Variants in SNTG1 observed in about 807,000 individuals in gnomAD.
SNTG1 encodes gamma-1-syntrophin.
SNTG1 carries 39 observed loss-of-function variants against 74.7 expected under a neutral mutation model. The ratio of observed to expected loss-of-function variants is 0.52; its 90% CI spans 0.40 to 0.68. SNTG1 has a LOEUF of 0.68. SNTG1 is among the 30% of genes least tolerant of loss of function. The pLI is 0.00. For missense variants in SNTG1, 685 were observed against 609.5 expected (o/e 1.12, Z -1.30); for synonymous variants, 254 against 217.1 (o/e 1.17, Z -1.49).
chr8:50,661,192 A>G (rs896031919), intron 15 of SNTG1, among the ~76,000 whole-genome samples: 20 of 152,206 alleles, frequency 1.3e-4, no homozygotes, highest in African/African-American at 4.8e-4. Context: ...ATTAGGTGAT[A>G]TGATGTTAAG....
At chr8:50,619,871 G>A (rs539445373) in intron 13 of SNTG1, among the ~76,000 whole-genome samples, 1 of 149,302 alleles carries the variant, frequency 6.7e-6, no homozygotes, top group East Asian at 2.0e-4. Flanking sequence ...GAAATATATT[G>A]GCTTCTACTC....
At chr8:50,788,765 AAC>A (rs748605408) in intron 18 of SNTG1, among the ~76,000 whole-genome samples, 2 of 151,956 alleles carry the variant, frequency 1.3e-5, no homozygotes, top group Non-Finnish European at 2.9e-5. Context: ...TCCCACTTAA[AAC>A]ACAGAATGAA....
At chr8:50,469,941 G>A (rs1239484421) in intron 8 of SNTG1, among the ~76,000 whole-genome samples, 1 of 152,188 alleles carries the variant, frequency 6.6e-6, no homozygotes, top group Non-Finnish European at 1.5e-5. Context: ...TGGTGCCACT[G>A]CACTCCAGCC....
chr8:49,936,754 C>A (rs1808114875), intron 1 of SNTG1, among the ~76,000 whole-genome samples: 1 of 152,090 alleles, frequency 6.6e-6, no homozygotes, highest in African/African-American at 2.4e-5. Flanking sequence ...AAGTGAAGAG[C>A]AAACATGGTA....
At chr8:50,037,582 T>A (rs1818271133) in intron 1 of SNTG1, among the ~76,000 whole-genome samples, 1 of 152,224 alleles carries the variant, frequency 6.6e-6, no homozygotes, top group Admixed American at 6.5e-5. Context: ...TTATCCTGCT[T>A]CTCCTAATAT....
At position 50,796,423 on chromosome 8, in the gene SNTG1, T is replaced by C. The variant is rs1485205816; in HGVS notation, c.*3594T>C. 3 of 151,960 alleles carry C rather than the reference T, an allele frequency of 2.0e-5. No individual in the cohort carries two copies. Among genetic ancestry groups the C allele is most frequent in the Non-Finnish European group, 2.9e-5 (2 of 67,920 alleles). The allele number at this position is 151,960 out of a possible 1,614,324, so 9.4% of individuals were successfully genotyped here. A position where few individuals can be genotyped will look rare whatever the true frequency, so the allele number is the denominator to read the frequency against. ...ACTTTAAAATCATAATGCCACTTAT[T>C]TGCACATTTGAATTTGCTTTTGAAA... On this transcript the variant is annotated 3_prime_UTR_variant, in exon 19 of 19. Coordinates refer to ENST00000642720, the MANE Select transcript of SNTG1 (RefSeq NM_018967.5).
At chr8:50,239,930 C>T (rs1022118114) in intron 2 of SNTG1, among the ~76,000 whole-genome samples, 16 of 152,140 alleles carry the variant, frequency 1.1e-4, no homozygotes, top group African/African-American at 3.6e-4. Flanking sequence ...ATTTAAAAAT[C>T]CCAATTCTCC....
intron 18 of SNTG1, among the ~76,000 whole-genome samples, chr8:50,775,613 A>T (rs1480902045): frequency 6.6e-6 from 1 of 151,632 alleles, no homozygotes; most frequent in Non-Finnish European, 1.5e-5. Flanking sequence ...AAGTTCTAAA[A>T]ATGTTAGTTT....
chr8:50,234,027 G>GT, intron 2 of SNTG1, among the ~76,000 whole-genome samples: 1 of 151,952 alleles, frequency 6.6e-6, no homozygotes, highest in South Asian at 2.1e-4. Context: ...AATTGACCAT[G>GT]TTAACCAGTG....
intron 18 of SNTG1, among the ~76,000 whole-genome samples, chr8:50,776,218 A>T (rs1585763650): frequency 6.6e-6 from 1 of 150,618 alleles, no homozygotes; most frequent in East Asian, 2.0e-4. Context: ...GCTTTTAGAA[A>T]TCAATTTTAT....
At chr8:50,669,842 C>T (rs2095270584) in intron 15 of SNTG1, among the ~76,000 whole-genome samples, 1 of 152,146 alleles carries the variant, frequency 6.6e-6, no homozygotes, top group Non-Finnish European at 1.5e-5. Flanking sequence ...GCTTATCCAC[C>T]ATGATCAAGT....
chr8:50,267,598 G>C (rs1313368918), intron 2 of SNTG1, among the ~76,000 whole-genome samples: 1 of 152,060 alleles, frequency 6.6e-6, no homozygotes, highest in Non-Finnish European at 1.5e-5. Context: ...AAATAACTTA[G>C]CAGTTCCTCA....
chr8:50,426,717 A>C, intron 4 of SNTG1, among the ~76,000 whole-genome samples: 1 of 152,092 alleles, frequency 6.6e-6, no homozygotes, highest in East Asian at 1.9e-4. Context: ...AGTATTATAA[A>C]GTAGTGTGCT....
intron 8 of SNTG1, among the ~76,000 whole-genome samples, chr8:50,484,151 TC>T (rs1354394692): frequency 0.034 from 1,130 of 32,964 alleles, 9 homozygotes; most frequent in South Asian, 0.082. Flanking sequence ...TTTCTTTCTT[TC>T]CTTCCTTCCT....
chr8:50,042,761 C>A (rs895001950), intron 1 of SNTG1, among the ~76,000 whole-genome samples: 29 of 151,140 alleles, frequency 1.9e-4, no homozygotes, highest in African/African-American at 7.1e-4. Context: ...TAAGGTCTTG[C>A]ATTGTTCCCC....
At chr8:50,162,568 A>G (rs1349369557) in intron 1 of SNTG1, among the ~76,000 whole-genome samples, 4 of 151,112 alleles carry the variant, frequency 2.6e-5, no homozygotes, top group Non-Finnish European at 4.4e-5. Flanking sequence ...TCAAAAAAAA[A>G]AAAAAAAAAG....
intron 1 of SNTG1, among the ~76,000 whole-genome samples, chr8:49,990,468 C>CA (rs1346629082): frequency 6.6e-6 from 1 of 151,552 alleles, no homozygotes; most frequent in African/African-American, 2.4e-5. Context: ...CCAGAATAAC[C>CA]AAAAAAATCC....
chr8:50,485,230 G>A (rs1004829583), intron 8 of SNTG1, among the ~76,000 whole-genome samples: 2 of 152,076 alleles, frequency 1.3e-5, no homozygotes, highest in African/African-American at 4.8e-5. Context: ...GGTTTTGTTG[G>A]TTTCCTTGTT....
At chr8:50,354,656 TTC>T (rs927630019) in intron 2 of SNTG1, among the ~76,000 whole-genome samples, 13 of 152,140 alleles carry the variant, frequency 8.5e-5, no homozygotes, top group Admixed American at 7.9e-4. Context: ...GCATGTGTTA[TTC>T]TCTCTCAGTT....
Sources: allele counts gnomAD v4.1 joint callset (sites outside exome capture counted in the v4.1 genomes callset), GRCh38; gene constraint gnomAD v4.1.1; transcripts MANE v1.5; gene names NCBI Gene and HGNC (gene_info 2026-07-23, HGNC 2026-07-21).